The following EPC2 variants were observed in gnomAD, a reference collection of about 807,000 sequenced individuals.
The protein encoded by EPC2 is enhancer of polycomb 2.
A neutral mutation model predicts 92.1 loss-of-function variants in EPC2; 14 were observed. The ratio of observed to expected loss-of-function variants is 0.15; its 90% CI spans 0.10 to 0.24. EPC2 has a LOEUF of 0.24. Ranked by LOEUF, EPC2 falls within the 10% of genes least tolerant of loss-of-function variation. The pLI is 1.00. For synonymous variants in EPC2, 340 were observed against 334.7 expected (o/e 1.02, Z -0.17); for missense variants, 755 against 971.5 (o/e 0.78, Z 2.96).
Position 148,644,788 on chromosome 2 carries a change from G to A in EPC2, c.-230G>A, listed in dbSNP as rs1015236290. Among the ~76,000 whole-genome samples the A allele has an allele frequency of 6.6e-6, 1 of 150,766 alleles. No homozygotes were observed. Among genetic ancestry groups the A allele is most frequent in the Non-Finnish European group, 1.5e-5 (1 of 67,704 alleles). On this transcript the variant is annotated 5_prime_UTR_variant, in exon 1 of 14. Transcript: ENST00000258484. ...CATGTTGGCCATGGCGCAGGGAGCG[G>A]ATCGGGCGGGCGAGCGGCGGATCTA...
At chr2:148,749,643 A>G (rs1683049701) in intron 3 of EPC2, among the ~76,000 whole-genome samples, 1 of 152,018 alleles carries the variant, frequency 6.6e-6, no homozygotes, top group Non-Finnish European at 1.5e-5. Flanking sequence ...TGCCTCTTGT[A>G]TTTTTTAATT....
rs1683803348 is a variant in EPC2 at position 148,783,738 on chromosome 2, G to A, written c.1999G>A (p.Gly667Ser). ...EQNTGHNNIN[G>S]VVQPSGTSKT... The stretch of plus-strand genomic sequence containing the variant: ...GAACACTGGCCACAACAACATAAAC[G>A]GTGTTGTCCAGCCTTCAGGTACAGC... Residue 667 changes from glycine (G) to serine (S), a missense_variant, in exon 12 of 14, where the codon GGT becomes AGT. Transcript: ENST00000258484. 6.3e-6 allele frequency: 10 copies of A among 1,591,864 alleles called. No individual in the cohort carries two copies. The highest frequency in any genetic ancestry group is 8.6e-6 in the Non-Finnish European group (10 of 1,168,290).
At position 148,644,838 on chromosome 2, in the gene EPC2, G is replaced by C. The variant is rs1683759297; in HGVS notation, c.-180G>C. Reference sequence around the variant, plus strand: ...AGTGTGTGGAGGCGGCCGCGGGCGCGGGGGGCTGTTTTCGGGCGGGGTGGG... The same window carrying C: ...AGTGTGTGGAGGCGGCCGCGGGCGCCGGGGGCTGTTTTCGGGCGGGGTGGG... On this transcript the variant is annotated 5_prime_UTR_variant, in exon 1 of 14. Coordinates refer to ENST00000258484, the MANE Select transcript of EPC2 (RefSeq NM_015630.4). The C allele has an allele frequency of 1.3e-5, 7 of 521,808 alleles. No individual in the cohort carries two copies. Among genetic ancestry groups the C allele is most frequent in the Admixed American group, 3.8e-5 (1 of 26,386 alleles). The allele number at this position is 521,808 out of a possible 1,614,324, so 32.3% of individuals were successfully genotyped here. A position where few individuals can be genotyped will look rare whatever the true frequency, so the allele number is the denominator to read the frequency against.
intron 6 of EPC2, 54 bp downstream of exon 6, chr2:148,762,856 T>C: frequency 6.6e-7 from 1 of 1,522,424 alleles, no homozygotes; most frequent in Admixed American, 2.3e-5. Flanking sequence ...ATCAGAGGAG[T>C]TATTGATTTC....
At position 148,691,655 on chromosome 2, in the gene EPC2, A is replaced by G. The variant is rs989312168; in HGVS notation, c.313+1282A>G. ...GACACTACCAACCGGAGACCACGTTAAAGTTTTTGCTTGTTTGTTTTGTTC... is the reference window on the plus strand; with the variant it reads ...GACACTACCAACCGGAGACCACGTTGAAGTTTTTGCTTGTTTGTTTTGTTC... On this transcript the variant is annotated intron_variant, in intron 2 of 13. Coordinates refer to ENST00000258484, the MANE Select transcript of EPC2 (RefSeq NM_015630.4). 9.1e-6 allele frequency: 14 copies of G among 1,535,250 alleles called. No individual in the cohort carries two copies. In the Admixed American group the frequency reaches 9.8e-5, roughly 11 times the overall value.
In EPC2 at chr2:148,690,235, A is replaced by G. The variant is rs1681615931; in HGVS notation, c.175A>G (p.Ile59Val). ...CCAGGAACATCATTTACAGCGAGCA[A>G]TTTCAGCACAGCAAGTGTTTAGAGA... Reference protein sequence around the residue: ...EESEHHLQRAISAQQVFREKK... With the variant: ...EESEHHLQRAVSAQQVFREKK... The change falls in exon 2 of 14, where the codon ATT becomes GTT. Residue 59 changes from isoleucine (I) to valine (V), a missense_variant. Ile to Val is a conservative substitution (Grantham distance 29). Coordinates refer to ENST00000258484, the MANE Select transcript of EPC2 (RefSeq NM_015630.4). The G allele has an allele frequency of 6.2e-7, 1 of 1,602,228 alleles. No homozygotes were observed. The highest frequency in any genetic ancestry group is 1.8e-5 in the Admixed American group (1 of 56,508).
Position 148,782,554 on chromosome 2 carries a change from A to G in EPC2, c.1857+774A>G, listed in dbSNP as rs1042295163. Among the ~76,000 whole-genome samples the G allele has an allele frequency of 1.4e-4, 22 of 152,180 alleles. No individual in the cohort carries two copies. In the East Asian group the frequency reaches 3.7e-3, roughly 25 times the overall value. On this transcript the variant is annotated intron_variant, in intron 11 of 13. Coordinates refer to ENST00000258484, the MANE Select transcript of EPC2 (RefSeq NM_015630.4). Reference sequence around the variant, plus strand: ...TATGTCTCCAAAAAAAACAAAAAAAATTAATTAAAATTTTTTAAAATGAAG... The same window carrying G: ...TATGTCTCCAAAAAAAACAAAAAAAGTTAATTAAAATTTTTTAAAATGAAG...
At chr2:148,647,105 G>C (rs529378829) in intron 1 of EPC2, among the ~76,000 whole-genome samples, 5 of 151,854 alleles carry the variant, frequency 3.3e-5, no homozygotes, top group Non-Finnish European at 5.9e-5. Flanking sequence ...GCGAGACTCC[G>C]TCCCCCCCAA....
chr2:148,738,511 T>C (rs1682811977), intron 2 of EPC2, among the ~76,000 whole-genome samples: 1 of 152,236 alleles, frequency 6.6e-6, no homozygotes, highest in Admixed American at 6.5e-5. Flanking sequence ...GTACTTTTGA[T>C]TGGTTTACAT....
Position 148,761,820 on chromosome 2 carries a change from G to A in EPC2, c.705G>A (p.Leu235=), listed in dbSNP as rs557068296. 1 of 1,576,086 alleles carries A rather than the reference G, an allele frequency of 6.3e-7. No individual in the cohort carries two copies. The highest frequency in any genetic ancestry group is 1.4e-5 in the African/African-American group (1 of 73,438). ...ATGAAGCCTCTTATGAAAAGATGTT[G>A]AAACTGAGACGAGAATTTAGTAGAG... ...KNDEASYEKM[L]KLRREFSRAI... The change falls in exon 5 of 14, where the codon TTG becomes TTA. Residue 235 remains leucine, a synonymous_variant. Transcript: ENST00000258484.
chr2:148,658,584 G>A (rs1191855720), intron 1 of EPC2, among the ~76,000 whole-genome samples: 1 of 134,836 alleles, frequency 7.4e-6, no homozygotes, highest in Non-Finnish European at 1.6e-5. Context: ...TGCAAGTAAT[G>A]AAGATTAGCT....
chr2:148,783,567 T>G, intron 11 of EPC2, 30 bp from the exon 12 acceptor site: 1 of 1,572,942 alleles, frequency 6.4e-7, no homozygotes, highest in Non-Finnish European at 8.7e-7. Flanking sequence ...CATCTAAAAA[T>G]TAGAGTGTTT....
chr2:148,674,536 G>T, intron 1 of EPC2, among the ~76,000 whole-genome samples: 1 of 152,188 alleles, frequency 6.6e-6, no homozygotes, highest in Admixed American at 6.5e-5. Flanking sequence ...GTTCTCTGGT[G>T]CTACACAAAG....
chr2:148,663,879 T>A lies in EPC2; in HGVS notation c.153+18709T>A, dbSNP rs114206412. On this transcript the variant is annotated intron_variant, in intron 1 of 13. Coordinates refer to ENST00000258484, the MANE Select transcript of EPC2 (RefSeq NM_015630.4). Reference sequence around the variant, plus strand: ...AATAGGGTTCACACTCCTATGACAATCTAATGCTGCCACTGATCTAACAGG... The same window carrying A: ...AATAGGGTTCACACTCCTATGACAAACTAATGCTGCCACTGATCTAACAGG... Among the ~76,000 whole-genome samples the A allele has an allele frequency of 7.2e-3, 1,092 of 152,240 alleles. 6 individuals carry two copies. The highest frequency in any genetic ancestry group is 0.025 in the African/African-American group (1,027 of 41,540).
intron 2 of EPC2, among the ~76,000 whole-genome samples, chr2:148,729,132 T>C (rs543375136): frequency 1.4e-5 from 2 of 146,010 alleles, no homozygotes; most frequent in Non-Finnish European, 3.0e-5. Context: ...TGTGAACAAA[T>C]AGAATTTCAT....
In EPC2 at chr2:148,690,667, CT is replaced by C. The variant is rs376947039; in HGVS notation, c.313+305del. Among the ~76,000 whole-genome samples, 1,157 of 146,900 alleles carry C rather than the reference CT, an allele frequency of 7.9e-3. 7 individuals carry two copies. Among genetic ancestry groups the C allele is most frequent in the African/African-American group, 0.025 (1,024 of 40,346 alleles). ...GATTACTATACCCAAATGAGATTTC[CT>C]TTTTTTTTTTCTTTGAGACAGAGTC... is the stretch of plus-strand genomic sequence containing the variant. On this transcript the variant is annotated intron_variant, in intron 2 of 13. Transcript: ENST00000258484.
At chr2:148,717,551 G>A (rs1012171029) in intron 2 of EPC2, among the ~76,000 whole-genome samples, 1 of 151,668 alleles carries the variant, frequency 6.6e-6, no homozygotes, top group African/African-American at 2.4e-5. Context: ...TTAGTTGTGT[G>A]GTTTTGAGTG....
rs1683325702 is a variant in EPC2, at chr2:148,762,651, T to G, written c.816-19T>G. 4 of 1,543,632 alleles carry G rather than the reference T, an allele frequency of 2.6e-6. No individual in the cohort carries two copies. Among genetic ancestry groups the G allele is most frequent in the Non-Finnish European group, 3.5e-6 (4 of 1,144,688 alleles). Reference sequence around the variant, plus strand: ...TCAAACTATGCAATGTTTTCTTATATTTTTGTTACCTTTTCAAGATACCAT... The same window carrying G: ...TCAAACTATGCAATGTTTTCTTATAGTTTTGTTACCTTTTCAAGATACCAT... On this transcript the variant is annotated intron_variant, in intron 5 of 13. Coordinates refer to ENST00000258484, the MANE Select transcript of EPC2 (RefSeq NM_015630.4).
At position 148,785,644 on chromosome 2, in the gene EPC2, A is replaced by G. The variant is rs550315370; in HGVS notation, c.2351+643A>G. Among the ~76,000 whole-genome samples, 15 of 152,302 alleles carry G rather than the reference A, an allele frequency of 9.8e-5. No individual in the cohort carries two copies. The South Asian group carries it at 2.1e-3, about 21-fold the overall frequency. On this transcript the variant is annotated intron_variant, in intron 13 of 13. Transcript: ENST00000258484. ...TGTATTAATGTTTTATAGTTTAGGC[A>G]GTCTGGAAGATGGGAGTTGTTATGA...
Sources: gnomAD v4.1 joint callset for allele counts (sites outside exome capture counted in the v4.1 genomes callset) on GRCh38, gnomAD v4.1.1 for gene constraint, MANE v1.5 for transcripts, NCBI Gene and HGNC (gene_info 2026-07-23, HGNC 2026-07-21) for gene names.